COG1: variants seen among roughly 807,000 people sequenced by gnomAD.
COG1 encodes the protein component of oligomeric golgi complex 1.
A neutral mutation model predicts 102.2 loss-of-function variants in COG1; 61 were observed. The ratio of observed to expected loss-of-function variants is 0.60; its 90% CI spans 0.49 to 0.74. The LOEUF (loss-of-function observed/expected upper bound fraction) is 0.74, where lower values mean the gene tolerates loss of function less well. COG1 is among the 30% of genes least tolerant of loss of function. COG1 has a pLI of 0.00. For missense variants in COG1, 1,164 were observed against 1,232.1 expected (o/e 0.94, Z 0.83); for synonymous variants, 454 against 493.6 (o/e 0.92, Z 1.06).
intron 7 of COG1, 130 bp downstream of exon 7, chr17:73,202,030 C>T (rs796255622): frequency 1.9e-6 from 2 of 1,054,590 alleles, no homozygotes; most frequent in African/African-American, 1.6e-5. Context: ...TTTATCTCTG[C>T]CAGAAAGTTC....
chr17:73,200,160 C>CTGTG lies in COG1; in HGVS notation c.1070+140_1070+143dup. 4 of 1,056,968 alleles carry CTGTG rather than the reference C, an allele frequency of 3.8e-6. No homozygotes were observed. The South Asian group carries it at 4.1e-5, about 11-fold the overall frequency. The allele number at this position is 1,056,968 out of a possible 1,614,324, so 65.5% of individuals were successfully genotyped here. Reference sequence around the variant, plus strand: ...GCTGCCCATCAGCCAGCCTCTCACTCTGTGACCCATTGCCACCTTTGAGGT... The same window carrying CTGTG: ...GCTGCCCATCAGCCAGCCTCTCACTCTGTGTGTGACCCATTGCCACCTTTGAGGT... On this transcript the variant is annotated intron_variant, in intron 5 of 13. Coordinates refer to ENST00000299886, the MANE Select transcript of COG1 (RefSeq NM_018714.3).
At chr17:73,194,664 A>C (rs2061318611) in intron 1 of COG1, among the ~76,000 whole-genome samples, 1 of 151,924 alleles carries the variant, frequency 6.6e-6, no homozygotes, top group Admixed American at 6.6e-5. Flanking sequence ...GGGTTTCACC[A>C]TATTGGCCCG....
Position 73,193,306 on chromosome 17 carries a change from C to G in COG1, c.237C>G (p.Ala79=), listed in dbSNP as rs1013474424. ...MRRCAVGLVD[A]VKATDQYCAR... ...GCTGCGCCGTGGGGCTAGTGGACGC[C>G]GTGAAGGCCACCGACCAGTACTGCG... The change falls in exon 1 of 14, where the codon GCC becomes GCG. Residue 79 remains alanine, a synonymous_variant. Transcript: ENST00000299886. The G allele has an allele frequency of 1.3e-6, 2 of 1,585,930 alleles. No homozygotes were observed. The highest frequency in any genetic ancestry group is 2.3e-5 in the South Asian group (2 of 87,546).
In COG1 at chr17:73,199,101, C is replaced by T. The variant is rs975863001; in HGVS notation, c.914-764C>T. On this transcript the variant is annotated intron_variant, in intron 4 of 13. Coordinates refer to ENST00000299886, the MANE Select transcript of COG1 (RefSeq NM_018714.3). ...TGGGAGGGCCCTGGGTTTCAAACTC[C>T]GGAGGGTGCCTTATGCTCAGAACAC... is the stretch of plus-strand genomic sequence containing the variant. Among the ~76,000 whole-genome samples the T allele has an allele frequency of 4.6e-5, 7 of 152,168 alleles. No homozygotes were observed. In the East Asian group the frequency reaches 5.8e-4, roughly 13 times the overall value.
In COG1 at chr17:73,201,286, G is replaced by A; in HGVS notation, c.1459G>A (p.Ala487Thr). ...GAGTCCTAATGACCTGCCTTCCGAT[G>A]CGGCCTGGGTCAGCGTGGCAAACCG... is the stretch of plus-strand genomic sequence containing the variant. ...SESPNDLPSD[A>T]AWVSVANRGQ... Residue 487 changes from alanine (A) to threonine (T), a missense_variant, in exon 7 of 14, where the codon GCG (alanine) becomes ACG (threonine). Physicochemically the swap from Ala to Thr is moderately conservative, Grantham distance 58 (BLOSUM62 0). Transcript: ENST00000299886. The A allele has an allele frequency of 1.2e-6, 2 of 1,614,208 alleles. No individual in the cohort carries two copies. The highest frequency in any genetic ancestry group is 1.7e-6 in the Non-Finnish European group (2 of 1,180,044).
chr17:73,201,241 T>TA lies in COG1; in HGVS notation c.1414_1415insA (p.Ser472TyrfsTer7). On this transcript the variant is annotated frameshift_variant, in exon 7 of 14. Coordinates refer to ENST00000299886, the MANE Select transcript of COG1 (RefSeq NM_018714.3). LOFTEE classifies it high-confidence loss of function. ...GCACATCCACTTTGAGTACAACATG[T>TA]CGCTCTTCCTCTGGTCTGAGAGTCC... is the stretch of plus-strand genomic sequence containing the variant. 1 of 1,614,148 alleles carries TA rather than the reference T, an allele frequency of 6.2e-7. No individual in the cohort carries two copies.
intron 3 of COG1, 42 bp downstream of exon 3, chr17:73,197,123 G>A (rs2061328662): frequency 6.2e-7 from 1 of 1,613,504 alleles, no homozygotes; most frequent in Non-Finnish European, 8.5e-7. Context: ...TTAAATATGG[G>A]ATGGAGAAGG....
intron 11 of COG1, 53 bp from the exon 12 acceptor site, chr17:73,206,655 T>TG (rs1477755189): frequency 9.1e-7 from 1 of 1,102,060 alleles, no homozygotes; most frequent in East Asian, 2.4e-5. Context: ...TTTTTTTTTT[T>TG]GCCTTTCTTT....
In COG1 at chr17:73,196,885, T is replaced by C. The variant is rs1265018684; in HGVS notation, c.561-15T>C. Reference sequence around the variant, plus strand: ...GTGAAAAACACCCTGGCGACTTCTGTCATCATTTTTCTAGGTCAACTATTC... The same window carrying C: ...GTGAAAAACACCCTGGCGACTTCTGCCATCATTTTTCTAGGTCAACTATTC... On this transcript the variant is annotated splice_polypyrimidine_tract_variant and intron_variant, in intron 2 of 13. Coordinates refer to ENST00000299886, the MANE Select transcript of COG1 (RefSeq NM_018714.3). 6.2e-7 allele frequency: 1 copy of C among 1,614,000 alleles called. No individual in the cohort carries two copies. The highest frequency in any genetic ancestry group is 1.7e-5 in the Admixed American group (1 of 60,020).
chr17:73,193,461 C>G (rs965913326), intron 1 of COG1, 77 bp downstream of exon 1: 14 of 1,358,648 alleles, frequency 1.0e-5, no homozygotes, highest in African/African-American at 7.7e-5. Flanking sequence ...ACCCCGCCCC[C>G]CTCTGTCAGT....
rs762717964 is a variant in COG1 at position 73,201,863 on chromosome 17, T to G, written c.2036T>G (p.Val679Gly). The stretch of plus-strand genomic sequence containing the variant: ...AAAGAAGTACTCCTCCAGCAGAGCG[T>G]GATGGGCTACCAGGTCTGGAGCAGT... ...EVKEVLLQQS[V>G]MGYQVWSSAV... Residue 679 changes from valine to glycine, a missense_variant, in exon 7 of 14, where the codon GTG becomes GGG. Val to Gly is a moderately radical substitution (Grantham distance 109). Coordinates refer to ENST00000299886, the MANE Select transcript of COG1 (RefSeq NM_018714.3). The G allele has an allele frequency of 1.9e-6, 3 of 1,614,224 alleles. No individual in the cohort carries two copies. The highest frequency in any genetic ancestry group is 2.5e-6 in the Non-Finnish European group (3 of 1,180,038).
chr17:73,201,492 T>C lies in COG1; in HGVS notation c.1665T>C (p.Ser555=). 6.2e-7 allele frequency: 1 copy of C among 1,614,276 alleles called. No homozygotes were observed. The highest frequency in any genetic ancestry group is 1.1e-5 in the South Asian group (1 of 91,088). ...KDVSPTQAKS[S]AFDRYADAGT... ...TTTCTCCCACACAGGCCAAGAGTTC[T>C]GCCTTTGACAGATACGCAGATGCGG... Residue 555 remains serine, a synonymous_variant, in exon 7 of 14, where the codon TCT becomes TCC. Coordinates refer to ENST00000299886, the MANE Select transcript of COG1 (RefSeq NM_018714.3).
chr17:73,199,875 T>C lies in COG1; in HGVS notation c.924T>C (p.Thr308=). 1 of 1,614,196 alleles carries C rather than the reference T, an allele frequency of 6.2e-7. No individual in the cohort carries two copies. The highest frequency in any genetic ancestry group is 8.5e-7 in the Non-Finnish European group (1 of 1,180,042). Residue 308 remains threonine, a synonymous_variant, in exon 5 of 14, where the codon ACT becomes ACC. Coordinates refer to ENST00000299886, the MANE Select transcript of COG1 (RefSeq NM_018714.3). ...TGGCCTTCTCTTTAGGAAAGGGCAC[T>C]GGTGTCCTGCAGGAAGAGATGAAAC... is the stretch of plus-strand genomic sequence containing the variant. The part of the protein sequence containing the change: ...ITGQHPAGKG[T]GVLQEEMKLC...
intron 1 of COG1, 160 bp from the exon 2 acceptor site, chr17:73,196,347 C>A: frequency 9.4e-7 from 1 of 1,062,956 alleles, no homozygotes; most frequent in Non-Finnish European, 1.4e-6. Context: ...ACTCTGGCAA[C>A]TCTTCTACAC....
At chr17:73,203,226 T>C (rs1366461066) in intron 8 of COG1, 80 bp downstream of exon 8, 7 of 1,533,072 alleles carry the variant, frequency 4.6e-6, no homozygotes, top group Non-Finnish European at 6.2e-6. Context: ...TCATTCAACA[T>C]ACAACTTCTG....
intron 9 of COG1, among the ~76,000 whole-genome samples, chr17:73,204,629 G>A (rs1383796534): frequency 1.4e-5 from 2 of 143,566 alleles, no homozygotes; most frequent in Non-Finnish European, 3.0e-5. Context: ...GCACCATCTC[G>A]GCTCACTGCA....
chr17:73,201,550 G>A lies in COG1; in HGVS notation c.1723G>A (p.Val575Met), dbSNP rs755592132. ...TVQEMLRTQS[V>M]ACIKHIVDCI... ...GCAGGAGATGCTGCGGACTCAGTCCGTGGCATGCATCAAGCACATCGTGGA... is the reference window on the plus strand; with the variant it reads ...GCAGGAGATGCTGCGGACTCAGTCCATGGCATGCATCAAGCACATCGTGGA... Residue 575 changes from valine (V) to methionine (M), a missense_variant, in exon 7 of 14, where the codon GTG becomes ATG. By Grantham distance (21) the Val-to-Met change is conservative (BLOSUM62 1). Coordinates refer to ENST00000299886, the MANE Select transcript of COG1 (RefSeq NM_018714.3). 25 of 1,614,116 alleles carry A rather than the reference G, an allele frequency of 1.5e-5. No individual in the cohort carries two copies. The highest frequency in any genetic ancestry group is 4.5e-5 in the East Asian group (2 of 44,900).
intron 1 of COG1, among the ~76,000 whole-genome samples, chr17:73,195,310 GA>G (rs1449427928): frequency 2.6e-5 from 4 of 152,086 alleles, no homozygotes; most frequent in African/African-American, 9.7e-5. Flanking sequence ...AACTTGACGA[GA>G]AAAAAATGTA....
rs772280638 is a variant in COG1 at position 73,196,648 on chromosome 17, C to T, written c.457C>T (p.Leu153Phe). 3 of 1,614,188 alleles carry T rather than the reference C, an allele frequency of 1.9e-6. No individual in the cohort carries two copies. Among genetic ancestry groups the T allele is most frequent in the Non-Finnish European group, 2.5e-6 (3 of 1,180,036 alleles). Residue 153 changes from leucine to phenylalanine, a missense_variant, in exon 2 of 14, where the codon CTC becomes TTC. Coordinates refer to ENST00000299886, the MANE Select transcript of COG1 (RefSeq NM_018714.3). ...ACAGCTCTACCTGCTCTGCTGCCACCTCCACAGCCTGCTCCAGCTGGATTC... is the reference window on the plus strand; with the variant it reads ...ACAGCTCTACCTGCTCTGCTGCCACTTCCACAGCCTGCTCCAGCTGGATTC... ...ATQLYLLCCH[L>F]HSLLQLDSSS...
Sources: gnomAD v4.1 joint callset for allele counts (sites outside exome capture counted in the v4.1 genomes callset) on GRCh38, gnomAD v4.1.1 for gene constraint, MANE v1.5 for transcripts, NCBI Gene and HGNC (gene_info 2026-07-23, HGNC 2026-07-21) for gene names.